Variants in NKAIN3 observed in about 807,000 individuals in gnomAD.
NKAIN3 encodes sodium/potassium transporting ATPase interacting 3.
NKAIN3 carries 25 observed loss-of-function variants against 30.2 expected under a neutral mutation model. The ratio of observed to expected loss-of-function variants is 0.83; its 90% CI spans 0.60 to 1.16. The LOEUF (loss-of-function observed/expected upper bound fraction) is 1.16, where lower values mean the gene tolerates loss of function less well. NKAIN3 is among the 50% of genes most tolerant of loss of function. The probability of loss-of-function intolerance (pLI) is 0.00; values close to 1 mark genes in which losing one functional copy is unlikely to be tolerated. For synonymous variants in NKAIN3, 91 were observed against 89.6 expected (o/e 1.02, Z -0.09); for missense variants, 225 against 254.1 (o/e 0.89, Z 0.78).
intron 1 of NKAIN3, among the ~76,000 whole-genome samples, chr8:62,316,665 A>C (rs888506360): frequency 6.6e-6 from 1 of 152,164 alleles, no homozygotes; most frequent in African/African-American, 2.4e-5. Context: ...CATTTTTTTA[A>C]TCCAGTCTAT....
chr8:62,388,833 G>C (rs1817506312), intron 1 of NKAIN3, among the ~76,000 whole-genome samples: 1 of 152,082 alleles, frequency 6.6e-6, no homozygotes, highest in South Asian at 2.1e-4. Flanking sequence ...TTGGCCTCCA[G>C]GGTTTTAGTG....
At chr8:62,460,170 T>C (rs1426298294) in intron 1 of NKAIN3, among the ~76,000 whole-genome samples, 1 of 131,650 alleles carries the variant, frequency 7.6e-6, no homozygotes, top group East Asian at 2.1e-4. Flanking sequence ...CCCAGCACTT[T>C]GGGAGGCCGA....
chr8:62,290,854 A>G (rs879207793), intron 1 of NKAIN3, among the ~76,000 whole-genome samples: 1 of 152,172 alleles, frequency 6.6e-6, no homozygotes. Flanking sequence ...TTCAGCTGTG[A>G]ATCCATCTGG....
At chr8:62,912,729 G>C (rs1017430101) in intron 4 of NKAIN3, among the ~76,000 whole-genome samples, 2 of 152,014 alleles carry the variant, frequency 1.3e-5, no homozygotes, top group African/African-American at 4.8e-5. Flanking sequence ...GACCAACATA[G>C]AGAAACCCCA....
At chr8:62,377,761 C>T (rs1817136493) in intron 1 of NKAIN3, among the ~76,000 whole-genome samples, 1 of 152,078 alleles carries the variant, frequency 6.6e-6, no homozygotes. Flanking sequence ...CTCCTGCCAC[C>T]CTGTGGAGAG....
chr8:62,427,932 ATTTTATTTCTTCTATCTAACTGTATTT>A (rs372021772), intron 1 of NKAIN3, among the ~76,000 whole-genome samples: 197 of 151,942 alleles, frequency 1.3e-3, no homozygotes, highest in African/African-American at 4.7e-3. Context: ...TGAACATTAG[ATTTTATTTCTTCTATCTAACTGTATTT>A]TTGAACCCAT....
At chr8:62,799,065 G>T (rs368016113) in intron 4 of NKAIN3, among the ~76,000 whole-genome samples, 2 of 152,194 alleles carry the variant, frequency 1.3e-5, no homozygotes, top group Non-Finnish European at 2.9e-5. Flanking sequence ...ATTAGAGCTG[G>T]TTAAATGTTT....
chr8:62,759,184 A>T (rs1016165578), intron 4 of NKAIN3, among the ~76,000 whole-genome samples: 1 of 152,166 alleles, frequency 6.6e-6, no homozygotes, highest in Admixed American at 6.6e-5. Flanking sequence ...TTTGGTGAAA[A>T]CTTATTTAAT....
At chr8:62,865,060 C>A (rs771149711) in intron 4 of NKAIN3, among the ~76,000 whole-genome samples, 1 of 152,040 alleles carries the variant, frequency 6.6e-6, no homozygotes, top group Non-Finnish European at 1.5e-5. Context: ...GTTTACTGAC[C>A]GTTTTCTTCT....
At chr8:62,415,342 AGAT>A (rs999618697) in intron 1 of NKAIN3, among the ~76,000 whole-genome samples, 21 of 147,784 alleles carry the variant, frequency 1.4e-4, no homozygotes, top group South Asian at 4.2e-4. Flanking sequence ...GATGATAAAT[AGAT>A]GATGATGATG....
At chr8:62,792,928 A>C (rs1817748780) in intron 4 of NKAIN3, among the ~76,000 whole-genome samples, 1 of 152,086 alleles carries the variant, frequency 6.6e-6, no homozygotes, top group South Asian at 2.1e-4. Flanking sequence ...TGGGTACTAA[A>C]CCCATGAAGG....
At chr8:62,451,874 G>A (rs1346747808) in intron 1 of NKAIN3, among the ~76,000 whole-genome samples, 1 of 152,170 alleles carries the variant, frequency 6.6e-6, no homozygotes, top group Non-Finnish European at 1.5e-5. Context: ...TCTGAGATCA[G>A]AAAAACTCAA....
chr8:62,724,664 A>G (rs920821668), intron 3 of NKAIN3, among the ~76,000 whole-genome samples: 1 of 152,052 alleles, frequency 6.6e-6, no homozygotes, highest in African/African-American at 2.4e-5. Context: ...ATTTTTTTTA[A>G]CATAATGACT....
intron 1 of NKAIN3, among the ~76,000 whole-genome samples, chr8:62,301,903 G>A (rs956524501): frequency 1.3e-5 from 2 of 151,992 alleles, no homozygotes; most frequent in Non-Finnish European, 1.5e-5. Context: ...AAACTTAAAC[G>A]TTCTATTTCA....
intron 4 of NKAIN3, chr8:62,864,236 A>G: frequency 1.3e-6 from 1 of 760,414 alleles, no homozygotes; most frequent in Non-Finnish European, 2.2e-6. Context: ...TAAAAACAGC[A>G]GGATTAGAGG....
intron 1 of NKAIN3, among the ~76,000 whole-genome samples, chr8:62,370,412 A>C (rs935207691): frequency 6.6e-6 from 1 of 151,988 alleles, no homozygotes; most frequent in Non-Finnish European, 1.5e-5. Context: ...TTGAAGCTGA[A>C]AAAAGAAAAT....
chr8:62,445,415 A>G (rs1805457836), intron 1 of NKAIN3, among the ~76,000 whole-genome samples: 1 of 151,192 alleles, frequency 6.6e-6, no homozygotes, highest in African/African-American at 2.4e-5. Flanking sequence ...TCCTTATATT[A>G]TACCCATTTT....
chr8:62,552,591 C>G (rs1465415405), intron 1 of NKAIN3, among the ~76,000 whole-genome samples: 1 of 152,128 alleles, frequency 6.6e-6, no homozygotes, highest in Non-Finnish European at 1.5e-5. Context: ...GAGATTGATG[C>G]CAGTTTTCCT....
intron 1 of NKAIN3, among the ~76,000 whole-genome samples, chr8:62,279,999 T>C (rs1813119478): frequency 1.3e-5 from 2 of 152,204 alleles, no homozygotes; most frequent in South Asian, 4.1e-4. Context: ...GTTCTTCCTA[T>C]CCATGAGCAT....
Sources: allele counts gnomAD v4.1 joint callset (sites outside exome capture counted in the v4.1 genomes callset), GRCh38; gene constraint gnomAD v4.1.1; transcripts MANE v1.5; gene names NCBI Gene and HGNC (gene_info 2026-07-23, HGNC 2026-07-21).